CPT1C: variants seen among roughly 807,000 people sequenced by gnomAD.
CPT1C encodes the protein carnitine palmitoyltransferase 1C, also known as palmitoyl thioesterase CPT1C.
A neutral mutation model predicts 97.3 loss-of-function variants in CPT1C; 61 were observed. The ratio of observed to expected loss-of-function variants is 0.63; its 90% CI spans 0.51 to 0.78. The LOEUF is 0.78. Among genes scored for constraint, CPT1C ranks in the 30% least tolerant of loss-of-function variants. The pLI, the probability that CPT1C is intolerant of heterozygous loss-of-function variation, is 0.00. For synonymous variants in CPT1C, 469 were observed against 447.2 expected (o/e 1.05, Z -0.61); for missense variants, 975 against 1,065.5 (o/e 0.92, Z 1.18).
At chr19:49,704,392 G>C (rs1436569600) in intron 7 of CPT1C, among the ~76,000 whole-genome samples, 3 of 152,128 alleles carry the variant, frequency 2.0e-5, no homozygotes, top group African/African-American at 7.2e-5. Flanking sequence ...GGCTGGTCTT[G>C]AACACCTGAC....
At chr19:49,704,575 C>G in intron 7 of CPT1C, 135 bp from the exon 8 acceptor site, 1 of 673,716 alleles carries the variant, frequency 1.5e-6, no homozygotes, top group Admixed American at 2.4e-5. Context: ...TCGCTAGTTA[C>G]TGACTACGAT....
chr19:49,700,632 G>C (rs901737089), intron 4 of CPT1C, 52 bp from the exon 5 acceptor site: 2 of 1,578,830 alleles, frequency 1.3e-6, no homozygotes. Flanking sequence ...GGAAGGGAGG[G>C]AGGTTCTGAG....
Position 49,704,712 on chromosome 19 carries a change from C to T in CPT1C, c.696C>T (p.Val232=), listed in dbSNP as rs774155314. The T allele has an allele frequency of 6.2e-6, 10 of 1,613,676 alleles. No individual in the cohort carries two copies. The highest frequency in any genetic ancestry group is 1.6e-4 in the Middle Eastern group (1 of 6,062). ...GTGTCTCCCCACCCCGCTCCCAGGT[C>T]AGTGACTGGTGGGAGGAATTTGTGT... ...RLKSWWASNY[V]SDWWEEFVYL... Residue 232 remains valine, a splice_region_variant and synonymous_variant, in exon 8 of 20, where the codon GTC becomes GTT. Transcript: ENST00000598293.
At chr19:49,712,031 G>T in intron 17 of CPT1C, 70 bp downstream of exon 17, 1 of 1,554,708 alleles carries the variant, frequency 6.4e-7, no homozygotes, top group Non-Finnish European at 8.7e-7. Context: ...TTTCAGGGAA[G>T]GAGGGTGATG....
At chr19:49,708,923 C>T (rs940814290) in intron 14 of CPT1C, 84 bp downstream of exon 14, 65 of 884,036 alleles carry the variant, frequency 7.4e-5, no homozygotes, top group Middle Eastern at 6.6e-4. Flanking sequence ...CTAATCTGAA[C>T]GTGAAAATCA....
chr19:49,702,477 G>C (rs1450110738), intron 7 of CPT1C, among the ~76,000 whole-genome samples: 1 of 151,624 alleles, frequency 6.6e-6, no homozygotes, highest in Non-Finnish European at 1.5e-5. Flanking sequence ...AATTAAACAG[G>C]TCTGGTGGCG....
chr19:49,710,644 G>A (rs1416058022), intron 15 of CPT1C, 79 bp from the exon 16 acceptor site: 2 of 1,581,260 alleles, frequency 1.3e-6, no homozygotes, highest in Non-Finnish European at 1.7e-6. Flanking sequence ...GAGGCTGGAG[G>A]TCTGGACAGA....
Position 49,710,389 on chromosome 19 carries a change from G to C in CPT1C, c.1636G>C (p.Val546Leu). ...GTCTGAAAATGTCGACTGCCATGTC[G>C]TTCCATTCTCCCTATTTGGCAAGAG... ...ILSENVDCHVVPFSLFGKSFI... is the reference protein window; with the variant it reads ...ILSENVDCHVLPFSLFGKSFI... The change falls in exon 15 of 20, where the codon GTT becomes CTT. Residue 546 changes from valine (V) to leucine (L), a missense_variant. Around this residue, in one of 3 missense-constraint regions of CPT1C, gnomAD observed 344 missense variants for 395.7 expected, o/e 0.87. Coordinates refer to ENST00000598293, the MANE Select transcript of CPT1C (RefSeq NM_001199753.2). 2 of 1,614,046 alleles carry C rather than the reference G, an allele frequency of 1.2e-6. No individual in the cohort carries two copies. Among genetic ancestry groups the C allele is most frequent in the South Asian group, 1.1e-5 (1 of 91,082 alleles).
Position 49,701,598 on chromosome 19 carries a change from G to A in CPT1C, c.657G>A (p.Trp219Ter). ...FLRLQASLLQ[W>*]YLRLKSWWAS... ...GGCTGCAGGCGTCGCTGCTGCAGTG[G>A]TACCTGCGGCTCAAGTCCTGGTGGG... The change falls in exon 7 of 20, where the codon TGG becomes TGA. Residue 219 changes from tryptophan to a stop codon, truncating the protein, a stop_gained. Coordinates refer to ENST00000598293, the MANE Select transcript of CPT1C (RefSeq NM_001199753.2). LOFTEE classifies it high-confidence loss of function. 6.2e-7 allele frequency: 1 copy of A among 1,610,794 alleles called. No individual in the cohort carries two copies. The highest frequency in any genetic ancestry group is 1.1e-5 in the South Asian group (1 of 90,900).
intron 4 of CPT1C, 45 bp downstream of exon 4, chr19:49,697,510 C>T (rs747540642): frequency 2.4e-5 from 39 of 1,592,278 alleles, no homozygotes; most frequent in Non-Finnish European, 6.0e-6. Flanking sequence ...ATCACTCTCC[C>T]TTCACCCAGT....
At chr19:49,704,648 C>A in intron 7 of CPT1C, 62 bp from the exon 8 acceptor site, 1 of 1,328,406 alleles carries the variant, frequency 7.5e-7, no homozygotes, top group Non-Finnish European at 1.1e-6. Context: ...CTTCCCTGTC[C>A]TACTGTCCCT....
chr19:49,702,982 C>T (rs551426035), intron 7 of CPT1C, among the ~76,000 whole-genome samples: 7 of 152,002 alleles, frequency 4.6e-5, no homozygotes, highest in African/African-American at 1.4e-4. Flanking sequence ...GCGAAGGGGA[C>T]GAAATATCTG....
At chr19:49,705,518 T>C (rs2123409262) in intron 10 of CPT1C, among the ~76,000 whole-genome samples, 1 of 152,216 alleles carries the variant, frequency 6.6e-6, no homozygotes, top group South Asian at 2.1e-4. Flanking sequence ...CCCAGCACTT[T>C]GTGGGGCCGA....
intron 2 of CPT1C, 78 bp from the exon 3 acceptor site, chr19:49,692,161 G>T: frequency 3.3e-6 from 5 of 1,509,698 alleles, no homozygotes; most frequent in Non-Finnish European, 4.5e-6. Flanking sequence ...TGAAGGAGGA[G>T]GAGGGGCTGG....
rs745421109 is a variant in CPT1C, at chr19:49,700,801, C to T, written c.399C>T (p.His133=). ...HVALRLLLSY[H]GWLLEPHGAM... is the part of the protein sequence containing the mutation. The stretch of plus-strand genomic sequence containing the variant: ...CCCTGAGGCTGCTTCTGTCCTACCA[C>T]GGCTGGCTTCTTGAGCCCCACGGAG... Residue 133 remains histidine (H), a synonymous_variant, in exon 5 of 20, where the codon CAC becomes CAT. Transcript: ENST00000598293. 2 of 1,613,498 alleles carry T rather than the reference C, an allele frequency of 1.2e-6. No individual in the cohort carries two copies. Among genetic ancestry groups the T allele is most frequent in the Non-Finnish European group, 1.7e-6 (2 of 1,180,034 alleles).
rs1568521736 is a variant in CPT1C at position 49,702,098 on chromosome 19, A to AAGTATAAATAAATATAT, written c.693+465_693+466insGTATAAATAAATATATA. On this transcript the variant is annotated intron_variant, in intron 7 of 19. Coordinates refer to ENST00000598293, the MANE Select transcript of CPT1C (RefSeq NM_001199753.2). ...AATTATAAATATATATTTATTTATA[A>AAGTATAAATAAATATAT]ATTATAAATATATATTTATTTATTT... 2.2e-3 allele frequency among the ~76,000 whole-genome samples: 233 copies of AAGTATAAATAAATATAT among 106,078 alleles called. 25 individuals are homozygous for AAGTATAAATAAATATAT. The highest frequency in any genetic ancestry group is 0.014 in the East Asian group (61 of 4,504). 69.6% of individuals were successfully genotyped at this position (106,078 alleles called of 152,430 possible). A position where few individuals can be genotyped will look rare whatever the true frequency, so the allele number is the denominator to read the frequency against.
intron 15 of CPT1C, 114 bp from the exon 16 acceptor site, chr19:49,710,609 C>A (rs2123486898): frequency 1.3e-6 from 2 of 1,569,552 alleles, no homozygotes; most frequent in East Asian, 2.2e-5. Context: ...ATTCTCTCTT[C>A]CAACCATTCT....
rs963989974 is a variant in CPT1C, at chr19:49,697,339, C to T, written c.155C>T (p.Thr52Ile). 1.2e-6 allele frequency: 2 copies of T among 1,613,998 alleles called. No homozygotes were observed. Among genetic ancestry groups the T allele is most frequent in the Non-Finnish European group, 1.7e-6 (2 of 1,180,036 alleles). Residue 52 changes from threonine (T) to isoleucine (I), a missense_variant, in exon 4 of 20, where the codon ACC becomes ATC. Around this residue, in one of 3 missense-constraint regions of CPT1C, gnomAD observed 596 missense variants for 603.1 expected, o/e 0.99. Transcript: ENST00000598293. ...TCCTCCCCACAGAATGACTTTCTCACCGGTGTGTTTCCTGCCAGCCCCCTC... is the reference window on the plus strand; with the variant it reads ...TCCTCCCCACAGAATGACTTTCTCATCGGTGTGTTTCCTGCCAGCCCCCTC... Reference protein sequence around the residue: ...HLSRFWNDFLTGVFPASPLSW... With the variant: ...HLSRFWNDFLIGVFPASPLSW...
chr19:49,702,084 T>A (rs868190846), intron 7 of CPT1C, among the ~76,000 whole-genome samples: 5 of 108,818 alleles, frequency 4.6e-5, no homozygotes, highest in Non-Finnish European at 8.9e-5. Flanking sequence ...ATTATAAATA[T>A]ATATTTATTT....
Sources: allele counts gnomAD v4.1 joint callset (sites outside exome capture counted in the v4.1 genomes callset), GRCh38; gene constraint gnomAD v4.1.1; regional missense constraint gnomAD v4.1.1; transcripts MANE v1.5; gene names NCBI Gene and HGNC (gene_info 2026-07-23, HGNC 2026-07-21).